PRKG1: variants seen among roughly 807,000 people sequenced by gnomAD.
PRKG1 encodes cGMP-dependent protein kinase 1.
In PRKG1, 35 loss-of-function variants were observed where a neutral mutation model predicts 88.1. That is an observed-to-expected ratio of 0.40 (90% CI 0.30 to 0.53). The LOEUF (loss-of-function observed/expected upper bound fraction) is 0.53. PRKG1 is among the 20% of genes least tolerant of loss of function. The probability of loss-of-function intolerance (pLI) is 0.59; values close to 1 mark genes in which losing one functional copy is unlikely to be tolerated. For synonymous variants in PRKG1, 303 were observed against 292.5 expected, an observed-to-expected ratio of 1.04 and a Z score of -0.37; for missense variants, 540 against 839.8, an observed-to-expected ratio of 0.64 and a Z score of 4.41.
intron 4 of PRKG1, among the ~76,000 whole-genome samples, chr10:51,810,041 T>A (rs1354055147): frequency 2.0e-5 from 3 of 152,154 alleles, no homozygotes; most frequent in Non-Finnish European, 4.4e-5. Context: ...TGATCTAAGA[T>A]GTGACAACAC....
chr10:51,952,864 G>C (rs1589451388), intron 5 of PRKG1, among the ~76,000 whole-genome samples: 1 of 152,146 alleles, frequency 6.6e-6, no homozygotes, highest in Non-Finnish European at 1.5e-5. Context: ...ATAACAAAAA[G>C]CAGTATTTAT....
chr10:51,627,992 C>CTTTCTTTCTTTCTT lies in PRKG1; in HGVS notation c.592+160157_592+160158insTTCTTTCTTTCTTT, dbSNP rs1166434553. ...TTTCTCTTTCTTTCTTTCTTTCTTT[C>CTTTCTTTCTTTCTT]TCTCTCTCTCTCTCTCTCTTTCTTT... On this transcript the variant is annotated intron_variant, in intron 3 of 17. Transcript: ENST00000373980. Among the ~76,000 whole-genome samples, 13 of 29,674 alleles carry CTTTCTTTCTTTCTT rather than the reference C, an allele frequency of 4.4e-4. 1 individual carries two copies. Among genetic ancestry groups the CTTTCTTTCTTTCTT allele is most frequent in the African/African-American group, 1.1e-3 (12 of 10,490 alleles). 19.5% of individuals were successfully genotyped at this position (29,674 alleles called of 152,430 possible).
intron 2 of PRKG1, among the ~76,000 whole-genome samples, chr10:51,187,884 G>A (rs968960224): frequency 6.6e-6 from 1 of 151,886 alleles, no homozygotes; most frequent in Non-Finnish European, 1.5e-5. Flanking sequence ...GTTAGATCTT[G>A]CTTGTTTTGA....
intron 2 of PRKG1, among the ~76,000 whole-genome samples, chr10:51,359,474 G>A (rs1026490214): frequency 1.3e-5 from 2 of 151,578 alleles, no homozygotes; most frequent in African/African-American, 2.4e-5. Context: ...GTGTGTGTGT[G>A]TATACAGGGT....
At chr10:51,631,898 C>G (rs1414769934) in intron 3 of PRKG1, among the ~76,000 whole-genome samples, 1 of 152,102 alleles carries the variant, frequency 6.6e-6, no homozygotes, top group Non-Finnish European at 1.5e-5. Context: ...CTCCATGGCC[C>G]AGGAATAGAG....
In PRKG1 at chr10:52,038,001, C is replaced by T. The variant is rs186020059; in HGVS notation, c.763-16483C>T. ...TGTAAAAGAATGCCTGGACGTCAGG[C>T]ACCTCAGACCATTTGGCTATTTTAC... On this transcript the variant is annotated intron_variant, in intron 5 of 17. Transcript: ENST00000373980. Among the ~76,000 whole-genome samples, 361 of 152,252 alleles carry T rather than the reference C, an allele frequency of 2.4e-3. 1 individual carries two copies. The highest frequency in any genetic ancestry group is 7.0e-3 in the African/African-American group (291 of 41,540).
intron 14 of PRKG1, among the ~76,000 whole-genome samples, chr10:52,282,846 C>A (rs1842030084): frequency 6.6e-6 from 1 of 151,938 alleles, no homozygotes; most frequent in Non-Finnish European, 1.5e-5. Flanking sequence ...AATACACTAC[C>A]ATGACATGTG....
At chr10:52,098,184 T>C (rs1336618289) in intron 7 of PRKG1, among the ~76,000 whole-genome samples, 2 of 152,210 alleles carry the variant, frequency 1.3e-5, no homozygotes, top group African/African-American at 4.8e-5. Flanking sequence ...GTCAAGAAGA[T>C]ACCACAAATG....
chr10:51,634,266 G>A (rs942111656), intron 3 of PRKG1, among the ~76,000 whole-genome samples: 2 of 152,146 alleles, frequency 1.3e-5, no homozygotes, highest in African/African-American at 4.8e-5. Context: ...GATTTGCCAA[G>A]GGAGGAAAAA....
chr10:51,585,301 A>G (rs1259852062), intron 3 of PRKG1, among the ~76,000 whole-genome samples: 1 of 152,146 alleles, frequency 6.6e-6, no homozygotes, highest in Non-Finnish European at 1.5e-5. Flanking sequence ...TAATTTATAA[A>G]AGAATAATAT....
At chr10:51,518,702 G>A (rs1292762614) in intron 3 of PRKG1, among the ~76,000 whole-genome samples, 1 of 152,140 alleles carries the variant, frequency 6.6e-6, no homozygotes, top group Non-Finnish European at 1.5e-5. Flanking sequence ...AAATACTTAG[G>A]GGGTGGATTT....
intron 2 of PRKG1, among the ~76,000 whole-genome samples, chr10:51,403,239 A>G (rs954996183): frequency 2.6e-5 from 4 of 152,176 alleles, no homozygotes; most frequent in African/African-American, 9.7e-5. Context: ...ATGATTTGCA[A>G]AGTTAAATAC....
intron 2 of PRKG1, among the ~76,000 whole-genome samples, chr10:51,162,244 C>T (rs889926418): frequency 1.3e-5 from 2 of 152,094 alleles, no homozygotes; most frequent in Admixed American, 1.3e-4. Context: ...CTACCCCACC[C>T]CCACCACAGA....
chr10:51,094,999 G>A (rs1844494208), intron 1 of PRKG1, among the ~76,000 whole-genome samples: 1 of 152,106 alleles, frequency 6.6e-6, no homozygotes, highest in African/African-American at 2.4e-5. Context: ...CTCGGGTCTG[G>A]CTGAATCCAC....
At chr10:51,902,148 C>T (rs1174600575) in intron 4 of PRKG1, among the ~76,000 whole-genome samples, 1 of 152,002 alleles carries the variant, frequency 6.6e-6, no homozygotes, top group Non-Finnish European at 1.5e-5. Context: ...GAGTTTTGCT[C>T]TCGTTGCCCA....
intron 3 of PRKG1, among the ~76,000 whole-genome samples, chr10:51,585,873 A>G (rs1164963773): frequency 2.0e-5 from 3 of 152,188 alleles, no homozygotes; most frequent in African/African-American, 7.2e-5. Context: ...CAAGAACAGG[A>G]AACCAAATAC....
intron 2 of PRKG1, among the ~76,000 whole-genome samples, chr10:51,207,770 A>G (rs1415401961): frequency 6.6e-6 from 1 of 152,214 alleles, no homozygotes; most frequent in Non-Finnish European, 1.5e-5. Context: ...ACTCTTAAAG[A>G]AAATGTGTAG....
intron 9 of PRKG1, among the ~76,000 whole-genome samples, chr10:52,249,600 A>T (rs189181562): frequency 6.6e-6 from 1 of 152,268 alleles, no homozygotes; most frequent in African/African-American, 2.4e-5. Flanking sequence ...GCTTTCAAGG[A>T]TTACAAATAA....
intron 3 of PRKG1, among the ~76,000 whole-genome samples, chr10:51,784,170 A>G (rs954521326): frequency 6.6e-6 from 1 of 152,034 alleles, no homozygotes; most frequent in East Asian, 1.9e-4. Flanking sequence ...CACAGCAATC[A>G]TTTCCTCAGC....
Sources: allele counts gnomAD v4.1 joint callset (sites outside exome capture counted in the v4.1 genomes callset), GRCh38; gene constraint gnomAD v4.1.1; transcripts MANE v1.5; gene names NCBI Gene and HGNC (gene_info 2026-07-23, HGNC 2026-07-21).